The following PDGFRA variants were observed in gnomAD, a reference collection of about 807,000 sequenced individuals.
PDGFRA encodes the protein platelet derived growth factor receptor alpha.
Under a neutral mutation model 121.5 loss-of-function variants are expected in PDGFRA, and 25 were observed. The ratio of observed to expected loss-of-function variants is 0.21; its 90% CI spans 0.15 to 0.29. The LOEUF (loss-of-function observed/expected upper bound fraction) is 0.29, where lower values mean the gene tolerates loss of function less well. Among genes scored for constraint, PDGFRA ranks in the 10% least tolerant of loss-of-function variants. The pLI, the probability that PDGFRA is intolerant of heterozygous loss-of-function variation, is 1.00. For synonymous variants in PDGFRA, 463 were observed against 494.8 expected (o/e 0.94, Z 0.85); for missense variants, 1,008 against 1,345.1 (o/e 0.75, Z 3.92).
chr4:54,233,357 T>G (rs1415386338), intron 1 of PDGFRA, among the ~76,000 whole-genome samples: 1 of 151,760 alleles, frequency 6.6e-6, no homozygotes, highest in Admixed American at 6.6e-5. Flanking sequence ...GCGCAGAGCC[T>G]CCCGGGCGAA....
Position 54,273,540 on chromosome 4 carries a change from T to C in PDGFRA, c.1368T>C (p.Cys456=), listed in dbSNP as rs766805616. 5 of 1,613,842 alleles carry C rather than the reference T, an allele frequency of 3.1e-6. No individual in the cohort carries two copies. In the Admixed American group the frequency reaches 8.3e-5, roughly 27 times the overall value. ...EWMICKDIKK[C]NNETSWTILA... is the part of the protein sequence containing the mutation. ...CTTAGGCCCTTTTTCTCTCTAGATG[T>C]AATAATGAAACTTCCTGGACTATTT... Residue 456 remains cysteine, a synonymous_variant, in exon 10 of 23, where the codon TGT becomes TGC. Transcript: ENST00000257290.
Position 54,290,447 on chromosome 4 carries a change from T to A in PDGFRA, c.3015T>A (p.Gly1005=). The part of the protein sequence containing the change: ...NEEDKLKDWE[G]GLDEQRLSAD... The stretch of plus-strand genomic sequence containing the variant: ...AAGACAAGCTGAAGGACTGGGAGGG[T>A]GGTCTGGATGAGCAGAGACTGAGCG... Residue 1005 remains glycine (G), a synonymous_variant, in exon 22 of 23, where the codon GGT becomes GGA. Transcript: ENST00000257290. The A allele has an allele frequency of 6.2e-7, 1 of 1,613,810 alleles. No homozygotes were observed. Among genetic ancestry groups the A allele is most frequent in the Non-Finnish European group, 8.5e-7 (1 of 1,179,858 alleles).
intron 1 of PDGFRA, among the ~76,000 whole-genome samples, chr4:54,230,828 C>CA: frequency 6.6e-6 from 1 of 152,334 alleles, no homozygotes; most frequent in South Asian, 2.1e-4. Flanking sequence ...TGTCTACCCC[C>CA]ATGGAAACCA....
intron 1 of PDGFRA, among the ~76,000 whole-genome samples, chr4:54,253,578 G>T (rs1347352969): frequency 6.6e-6 from 1 of 152,196 alleles, no homozygotes; most frequent in African/African-American, 2.4e-5. Context: ...TGAGAATGGG[G>T]GCTGAAGTTC....
chr4:54,247,598 A>G (rs1417099626), intron 1 of PDGFRA, among the ~76,000 whole-genome samples: 3 of 152,030 alleles, frequency 2.0e-5, no homozygotes, highest in Non-Finnish European at 4.4e-5. Flanking sequence ...ATCTATGACA[A>G]ACCCACAGCC....
At chr4:54,230,131 G>C (rs962417403) in intron 1 of PDGFRA, among the ~76,000 whole-genome samples, 1 of 152,068 alleles carries the variant, frequency 6.6e-6, no homozygotes, top group Non-Finnish European at 1.5e-5. Flanking sequence ...TTGGCGCGGC[G>C]GTGAGGCGGC....
intron 3 of PDGFRA, among the ~76,000 whole-genome samples, chr4:54,261,925 ATATATATT>A (rs1407359230): frequency 1.4e-3 from 105 of 72,598 alleles, no homozygotes; most frequent in East Asian, 2.0e-3. Context: ...ATATATATAT[ATATATATT>A]TTTTTTTTTT....
chr4:54,247,090 C>G (rs892971920), intron 1 of PDGFRA, among the ~76,000 whole-genome samples: 1 of 152,066 alleles, frequency 6.6e-6, no homozygotes, highest in Non-Finnish European at 1.5e-5. Context: ...GCTTACCAAC[C>G]AAAAAGAGTC....
At chr4:54,285,583 A>G (rs888748078) in intron 17 of PDGFRA, 97 bp downstream of exon 17, 10 of 760,864 alleles carry the variant, frequency 1.3e-5, no homozygotes, top group Non-Finnish European at 2.2e-5. Flanking sequence ...GGCCATTAAT[A>G]ACAGGGGCCT....
intron 1 of PDGFRA, among the ~76,000 whole-genome samples, chr4:54,251,981 T>C (rs1722074281): frequency 6.6e-6 from 1 of 152,256 alleles, no homozygotes; most frequent in Non-Finnish European, 1.5e-5. Context: ...GATTTGTCTT[T>C]GGTAAAAATG....
chr4:54,277,998 C>G lies in PDGFRA; in HGVS notation c.1994C>G (p.Thr665Ser), dbSNP rs2110312226. ...ATTGTAAACTTGCTGGGAGCCTGCA[C>G]CAAGTCAGGTGGGCTCACTGACCTG... ...LNIVNLLGAC[T>S]KSGPIYIITE... is the part of the protein sequence containing the mutation. The change falls in exon 14 of 23, where the codon ACC becomes AGC. Residue 665 changes from threonine to serine, a missense_variant. Thr to Ser is a moderately conservative substitution (Grantham distance 58). Transcript: ENST00000257290. 6.2e-7 allele frequency: 1 copy of G among 1,601,658 alleles called. No homozygotes were observed. The highest frequency in any genetic ancestry group is 8.6e-7 in the Non-Finnish European group (1 of 1,168,662).
intron 15 of PDGFRA, 125 bp downstream of exon 15, chr4:54,278,640 A>C: frequency 3.4e-6 from 3 of 871,394 alleles, no homozygotes; most frequent in Non-Finnish European, 5.6e-6. Context: ...CTTAGAGTCA[A>C]ACCACCCTGT....
At position 54,229,385 on chromosome 4, in the gene PDGFRA, C is replaced by T. The variant is rs1720533182; in HGVS notation, c.-43C>T. The stretch of plus-strand genomic sequence containing the variant: ...CACGCTCTTTACTCCATGTGTGGGA[C>T]ATTCATTGCGGAATAACATCGGAGG... On this transcript the variant is annotated 5_prime_UTR_variant, in exon 1 of 23. Coordinates refer to ENST00000257290, the MANE Select transcript of PDGFRA (RefSeq NM_006206.6). 2.5e-6 allele frequency: 1 copy of T among 398,402 alleles called. No homozygotes were observed. Among genetic ancestry groups the T allele is most frequent in the Non-Finnish European group, 4.4e-6 (1 of 226,050 alleles). The allele number at this position is 398,402 out of a possible 1,614,324, so 24.7% of individuals were successfully genotyped here.
At chr4:54,282,848 A>C (rs1358638619) in intron 16 of PDGFRA, among the ~76,000 whole-genome samples, 1 of 152,240 alleles carries the variant, frequency 6.6e-6, no homozygotes, top group Admixed American at 6.5e-5. Context: ...CAACATTCCC[A>C]TTCCCAAAGG....
chr4:54,276,445 C>T (rs186925945), intron 12 of PDGFRA, among the ~76,000 whole-genome samples: 18 of 152,232 alleles, frequency 1.2e-4, no homozygotes, highest in African/African-American at 3.4e-4. Flanking sequence ...GTCTAGGCAG[C>T]GGACAAGGAG....
At chr4:54,265,259 C>G in intron 5 of PDGFRA, 1 of 571,772 alleles carries the variant, frequency 1.7e-6, no homozygotes, top group South Asian at 1.8e-5. Flanking sequence ...GGACCAGGCC[C>G]TTCAGAATAC....
chr4:54,276,524 C>G (rs67388297), intron 12 of PDGFRA, among the ~76,000 whole-genome samples: 23,741 of 152,084 alleles, frequency 0.16, 2,244 homozygotes, highest in African/African-American at 0.24. Context: ...TCTTTATTTT[C>G]CTGCCTATTT....
At chr4:54,282,255 G>A (rs1292524372) in intron 16 of PDGFRA, among the ~76,000 whole-genome samples, 1 of 152,130 alleles carries the variant, frequency 6.6e-6, no homozygotes, top group African/African-American at 2.4e-5. Context: ...AAGGGAAAGA[G>A]GTTTAATTAG....
chr4:54,245,223 C>G (rs1399401759), intron 1 of PDGFRA, among the ~76,000 whole-genome samples: 1 of 152,216 alleles, frequency 6.6e-6, no homozygotes, highest in African/African-American at 2.4e-5. Flanking sequence ...GAGAACGCCA[C>G]AAAGATACTC....
Sources: allele counts gnomAD v4.1 joint callset (sites outside exome capture counted in the v4.1 genomes callset), GRCh38; gene constraint gnomAD v4.1.1; transcripts MANE v1.5; gene names NCBI Gene and HGNC (gene_info 2026-07-23, HGNC 2026-07-21).